The following RNF212B variants were observed in gnomAD, a reference collection of about 807,000 sequenced individuals.
The protein encoded by RNF212B is E3 ubiquitin-protein ligase RNF212B.
A neutral mutation model predicts 55.5 loss-of-function variants in RNF212B; 52 were observed. The ratio of observed to expected loss-of-function variants is 0.94; its 90% confidence interval spans 0.75 to 1.18. RNF212B has a LOEUF of 1.18. Ranked by LOEUF, RNF212B falls within the 50% of genes most tolerant of loss-of-function variation. The pLI is 0.00. For missense variants in RNF212B, 289 were observed against 350.4 expected, an observed-to-expected ratio of 0.82 and a Z score of 1.40; for synonymous variants, 99 against 121.4, an observed-to-expected ratio of 0.82 and a Z score of 1.21.
chr14:23,256,174 G>A (rs1207658912), intron 4 of RNF212B, among the ~76,000 whole-genome samples: 1 of 152,084 alleles, frequency 6.6e-6, no homozygotes, highest in Non-Finnish European at 1.5e-5. Context: ...TTATCTTGAT[G>A]CTAGCCTGAT....
At chr14:23,214,055 C>T (rs1292610437) in intron 2 of RNF212B, among the ~76,000 whole-genome samples, 2 of 152,014 alleles carry the variant, frequency 1.3e-5, no homozygotes, top group African/African-American at 2.4e-5. Flanking sequence ...CCCAGGAGTT[C>T]GAGGTTGTAG....
At chr14:23,222,357 CTA>C (rs1165327778) in intron 2 of RNF212B, among the ~76,000 whole-genome samples, 15 of 152,056 alleles carry the variant, frequency 9.9e-5, no homozygotes, top group Non-Finnish European at 1.8e-4. Flanking sequence ...CTATGAACAA[CTA>C]TATGTCAATA....
intron 2 of RNF212B, among the ~76,000 whole-genome samples, chr14:23,226,740 C>T (rs1240106482): frequency 1.5e-5 from 2 of 136,828 alleles, no homozygotes; most frequent in Admixed American, 7.2e-5. Context: ...CTCGGCTAGT[C>T]CCCTCCCCTC....
At chr14:23,236,954 T>C (rs924389836), upstream of RNF212B, among the ~76,000 whole-genome samples, 126 of 142,470 alleles carry the variant, frequency 8.8e-4, no homozygotes, top group African/African-American at 3.4e-3. Flanking sequence ...TCTTATTCTG[T>C]CTCTCTCTTT....
chr14:23,230,918 A>G (rs940361005), intron 2 of RNF212B, among the ~76,000 whole-genome samples: 1 of 152,138 alleles, frequency 6.6e-6, no homozygotes, highest in African/African-American at 2.4e-5. Context: ...TCAAAAATCA[A>G]CTGACCATAG....
At chr14:23,238,682 G>A (rs979873423) in intron 1 of RNF212B, among the ~76,000 whole-genome samples, 2 of 151,296 alleles carry the variant, frequency 1.3e-5, no homozygotes, top group African/African-American at 4.9e-5. Flanking sequence ...AGGCTGCAGC[G>A]AGCCCTGATC....
intron 14 of RNF212B, 41 bp downstream of exon 14, chr14:23,270,702 C>T (rs1886013836): frequency 7.1e-7 from 1 of 1,399,034 alleles, no homozygotes; most frequent in African/African-American, 1.4e-5. Flanking sequence ...CATAAAATCT[C>T]ACATGGTTAG....
At chr14:23,260,339 T>A (rs962031602) in intron 6 of RNF212B, among the ~76,000 whole-genome samples, 4 of 152,230 alleles carry the variant, frequency 2.6e-5, no homozygotes, top group Non-Finnish European at 5.9e-5. Flanking sequence ...TTTATATAAT[T>A]TTCCTATTGA....
chr14:23,269,476 A>G (rs1422853275), intron 12 of RNF212B, among the ~76,000 whole-genome samples: 1 of 152,188 alleles, frequency 6.6e-6, no homozygotes. Context: ...TCCCACCTGT[A>G]ATCCTAGCAC....
At chr14:23,205,081 CA>C (rs1039320887) in intron 2 of RNF212B, among the ~76,000 whole-genome samples, 3 of 152,096 alleles carry the variant, frequency 2.0e-5, no homozygotes, top group Non-Finnish European at 4.4e-5. Context: ...CCTTCTTAAT[CA>C]ACCAGTCATT....
chr14:23,206,380 T>C (rs1417565741), intron 2 of RNF212B, among the ~76,000 whole-genome samples: 2 of 152,208 alleles, frequency 1.3e-5, no homozygotes, highest in Non-Finnish European at 2.9e-5. Flanking sequence ...GCCTAGTCTT[T>C]TCTTTTTCAG....
At chr14:23,255,347 T>C (rs1884757389) in intron 4 of RNF212B, among the ~76,000 whole-genome samples, 1 of 152,200 alleles carries the variant, frequency 6.6e-6, no homozygotes, top group Admixed American at 6.6e-5. Context: ...TGACATGTTA[T>C]CAATAGTAAA....
At chr14:23,214,213 G>C (rs547727119) in intron 2 of RNF212B, among the ~76,000 whole-genome samples, 66 of 152,146 alleles carry the variant, frequency 4.3e-4, no homozygotes, top group Non-Finnish European at 6.3e-4. Flanking sequence ...AAAAACTAAG[G>C]CTGGGCATGG....
At chr14:23,220,608 G>C (rs1174165077) in intron 2 of RNF212B, among the ~76,000 whole-genome samples, 1 of 151,596 alleles carries the variant, frequency 6.6e-6, no homozygotes, top group African/African-American at 2.4e-5. Context: ...GGTGGATCAC[G>C]AGGTCAGGAG....
intron 2 of RNF212B, among the ~76,000 whole-genome samples, chr14:23,213,150 A>C (rs1880704670): frequency 1.3e-5 from 2 of 151,766 alleles, no homozygotes; most frequent in Admixed American, 1.3e-4. Context: ...GTCTCTACTA[A>C]AAAATACAAA....
chr14:23,217,121 C>T (rs1026265134), intron 2 of RNF212B, among the ~76,000 whole-genome samples: 3 of 151,934 alleles, frequency 2.0e-5, no homozygotes, highest in African/African-American at 7.3e-5. Flanking sequence ...AGTGGAGCCC[C>T]CTGCCCTGAA....
chr14:23,250,637 C>T (rs1884336914), intron 4 of RNF212B, among the ~76,000 whole-genome samples: 1 of 151,924 alleles, frequency 6.6e-6, no homozygotes, highest in Non-Finnish European at 1.5e-5. Flanking sequence ...TACTGTAAAC[C>T]CGGAAAATCT....
chr14:23,194,586 T>A (rs535354327), intron 2 of RNF212B, among the ~76,000 whole-genome samples: 1 of 151,864 alleles, frequency 6.6e-6, no homozygotes, highest in South Asian at 2.1e-4. Context: ...AAAATAAAAA[T>A]TATCTGGGCG....
chr14:23,229,543 T>A (rs1196704761), intron 2 of RNF212B, among the ~76,000 whole-genome samples: 1 of 151,966 alleles, frequency 6.6e-6, no homozygotes, highest in African/African-American at 2.4e-5. Context: ...CATATCCTCC[T>A]AAAACATATT....
Sources: allele counts gnomAD v4.1 joint callset (sites outside exome capture counted in the v4.1 genomes callset), GRCh38; gene constraint gnomAD v4.1.1; transcripts MANE v1.5; gene names NCBI Gene and HGNC (gene_info 2026-07-23, HGNC 2026-07-21).